The following WARS2 variants were observed in gnomAD, a reference collection of about 807,000 sequenced individuals.
WARS2 encodes tryptophan--tRNA ligase, mitochondrial.
Under a neutral mutation model 36.5 loss-of-function variants are expected in WARS2, and 28 were observed. The ratio of observed to expected loss-of-function variants is 0.77; its 90% confidence interval spans 0.57 to 1.05. The LOEUF (loss-of-function observed/expected upper bound fraction) is 1.05, where lower values mean the gene tolerates loss of function less well. WARS2 is among the 50% of genes least tolerant of loss of function. The probability of loss-of-function intolerance (pLI) is 0.00; values close to 1 mark genes in which losing one functional copy is unlikely to be tolerated. For missense variants in WARS2, 435 were observed against 456.8 expected, an observed-to-expected ratio of 0.95 and a Z score of 0.44; for synonymous variants, 174 against 178.4, an observed-to-expected ratio of 0.98 and a Z score of 0.20.
intron 1 of WARS2, among the ~76,000 whole-genome samples, chr1:119,100,754 A>G (rs150765954): frequency 5.8e-4 from 89 of 152,182 alleles, no homozygotes; most frequent in African/African-American, 2.1e-3. Context: ...TCGACCTCCC[A>G]AGCTCAAGTG....
chr1:119,091,157 T>G (rs1156829711), intron 1 of WARS2, among the ~76,000 whole-genome samples: 2 of 152,242 alleles, frequency 1.3e-5, no homozygotes, highest in Non-Finnish European at 2.9e-5. Context: ...TTCAAAATCC[T>G]TCTATGCCTC....
At chr1:119,100,520 G>C (rs191678444) in intron 1 of WARS2, among the ~76,000 whole-genome samples, 1 of 152,332 alleles carries the variant, frequency 6.6e-6, no homozygotes, top group East Asian at 1.9e-4. Flanking sequence ...ATTCACAATA[G>C]CAAAGCTATG....
In WARS2 at chr1:119,072,200, G is replaced by T. The variant is rs138203431; in HGVS notation, c.348+4150C>A. On this transcript the variant is annotated intron_variant, in intron 2 of 5. Coordinates refer to ENST00000235521, the MANE Select transcript of WARS2 (RefSeq NM_015836.4). ...TGGCTCTAAGATAAGGCATGAGGAG[G>T]ACCTTTCCATCATCACCCATGAACA... Among the ~76,000 whole-genome samples, 980 of 152,220 alleles carry T rather than the reference G, an allele frequency of 6.4e-3. 5 individuals are homozygous for T. The highest frequency in any genetic ancestry group is 0.017 in the Middle Eastern group (5 of 294).
chr1:119,056,862 A>G (rs1649861472), intron 2 of WARS2, among the ~76,000 whole-genome samples: 1 of 152,110 alleles, frequency 6.6e-6, no homozygotes, highest in Admixed American at 6.6e-5. Context: ...CTCTTTTTGT[A>G]GATTATTGGT....
At chr1:119,138,466 C>A (rs1474327564) in intron 1 of WARS2, among the ~76,000 whole-genome samples, 3 of 152,200 alleles carry the variant, frequency 2.0e-5, no homozygotes, top group South Asian at 4.1e-4. Context: ...AAGTGTGTGT[C>A]TTCAATTTAG....
chr1:119,080,288 AT>A (rs764330048), intron 1 of WARS2, among the ~76,000 whole-genome samples: 15 of 152,198 alleles, frequency 9.9e-5, no homozygotes, highest in Non-Finnish European at 1.9e-4. Context: ...TAATAGGAAT[AT>A]TTTCACATAT....
intron 1 of WARS2, among the ~76,000 whole-genome samples, chr1:119,088,240 C>T (rs1652809113): frequency 6.6e-6 from 1 of 152,124 alleles, no homozygotes; most frequent in Non-Finnish European, 1.5e-5. Flanking sequence ...CACTTGGGAG[C>T]TTTAAAAAAT....
Position 119,033,435 on chromosome 1 carries a change from C to T in WARS2, c.635-76G>A, listed in dbSNP as rs746763338. On this transcript the variant is annotated intron_variant, in intron 5 of 5. Coordinates refer to ENST00000235521, the MANE Select transcript of WARS2 (RefSeq NM_015836.4). ...CAGATCACCAAGATGTACACACAGA[C>T]AGTTCCCAACTTGCAATGGTTTGAA... 2.6e-6 allele frequency: 4 copies of T among 1,553,050 alleles called. No individual in the cohort carries two copies. The Admixed American group carries it at 6.9e-5, about 27-fold the overall frequency.
In WARS2 at chr1:119,092,261, G is replaced by A. The variant is rs1472723890; in HGVS notation, c.91-15654C>T. ...TAATGTAGGGATGATATGAGAATAC[G>A]TTATCACAAGGAATTGCACCCTGTT... On this transcript the variant is annotated intron_variant, in intron 1 of 5. Transcript: ENST00000235521. 2.6e-5 allele frequency among the ~76,000 whole-genome samples: 4 copies of A among 152,228 alleles called. No individual in the cohort carries two copies. In the East Asian group the frequency reaches 7.7e-4, roughly 29 times the overall value.
rs1348529106 is a variant in WARS2 at position 119,110,459 on chromosome 1, T to C, written c.90+30096A>G. Among the ~76,000 whole-genome samples, 3 of 152,220 alleles carry C rather than the reference T, an allele frequency of 2.0e-5. No individual in the cohort carries two copies. The East Asian group carries it at 5.8e-4, about 29-fold the overall frequency. On this transcript the variant is annotated intron_variant, in intron 1 of 5. Transcript: ENST00000235521. The stretch of plus-strand genomic sequence containing the variant: ...ACACTAAATATTTCACTCCACTCTC[T>C]TTTTGCTTGCGTGGATTCTGAAGAG...
chr1:119,099,432 A>C (rs1458231411), intron 1 of WARS2, among the ~76,000 whole-genome samples: 3 of 152,196 alleles, frequency 2.0e-5, no homozygotes, highest in Non-Finnish European at 2.9e-5. Context: ...ACACATCTTA[A>C]AATATTTTGA....
At chr1:119,067,049 G>A (rs1431397100) in intron 2 of WARS2, among the ~76,000 whole-genome samples, 8 of 152,264 alleles carry the variant, frequency 5.3e-5, no homozygotes, top group Non-Finnish European at 1.5e-5. Context: ...ATGGAACACT[G>A]TACTAGCAGT....
chr1:119,034,184 T>C lies in WARS2; in HGVS notation c.545A>G (p.Gln182Arg). The change falls in exon 5 of 6, where the codon CAA (glutamine) becomes CGA (arginine). Residue 182 changes from glutamine to arginine, a missense_variant. Coordinates refer to ENST00000235521, the MANE Select transcript of WARS2 (RefSeq NM_015836.4). ...CTGAACTAGTTCCATGTGCTGGACT[T>C]GATCCTCCCCAACAGGAACGTGTGT... ...KSTHVPVGEDQVQHMELVQDL... is the reference protein window; with the variant it reads ...KSTHVPVGEDRVQHMELVQDL... 6.2e-7 allele frequency: 1 copy of C among 1,614,052 alleles called. No homozygotes were observed. The highest frequency in any genetic ancestry group is 8.5e-7 in the Non-Finnish European group (1 of 1,179,906).
chr1:119,065,173 T>A (rs573210332), intron 2 of WARS2, among the ~76,000 whole-genome samples: 44 of 152,012 alleles, frequency 2.9e-4, no homozygotes, highest in Non-Finnish European at 5.4e-4. Context: ...TTAGAAATTA[T>A]TCAGAACTGA....
At chr1:119,044,999 AGTG>A (rs1648671073) in intron 3 of WARS2, among the ~76,000 whole-genome samples, 1 of 152,198 alleles carries the variant, frequency 6.6e-6, no homozygotes, top group African/African-American at 2.4e-5. Context: ...AATTGAAATT[AGTG>A]TTGACGTAGT....
intron 2 of WARS2, among the ~76,000 whole-genome samples, chr1:119,067,794 C>T (rs1316478537): frequency 1.3e-5 from 2 of 151,916 alleles, no homozygotes; most frequent in African/African-American, 4.8e-5. Context: ...CTGAGTATGT[C>T]TGGCTTCAAA....
At chr1:119,076,108 T>C (rs1651705415) in intron 2 of WARS2, among the ~76,000 whole-genome samples, 4 of 152,224 alleles carry the variant, frequency 2.6e-5, no homozygotes, top group East Asian at 1.9e-4. Flanking sequence ...ATTCTTGGTA[T>C]ATGAAGCATC....
At chr1:119,062,465 A>AT (rs970204760) in intron 2 of WARS2, among the ~76,000 whole-genome samples, 5 of 129,534 alleles carry the variant, frequency 3.9e-5, no homozygotes, top group Non-Finnish European at 8.8e-5. Context: ...AGCACAGCAA[A>AT]TAAAAAAAAA....
chr1:119,035,980 G>A (rs1020686836), intron 4 of WARS2, among the ~76,000 whole-genome samples: 4 of 152,166 alleles, frequency 2.6e-5, no homozygotes, highest in East Asian at 1.9e-4. Context: ...CAAGGTGGGC[G>A]GGTCACCTGA....
Sources: gnomAD v4.1 joint callset for allele counts (sites outside exome capture counted in the v4.1 genomes callset) on GRCh38, gnomAD v4.1.1 for gene constraint, MANE v1.5 for transcripts, NCBI Gene and HGNC (gene_info 2026-07-23, HGNC 2026-07-21) for gene names.